The following PLA2G12A variants were observed in gnomAD, a reference collection of about 807,000 sequenced individuals.
PLA2G12A encodes the protein phospholipase A2 group XIIA.
PLA2G12A carries 11 observed loss-of-function variants against 16.0 expected under a neutral mutation model. That is an observed-to-expected ratio of 0.69 (90% CI 0.43 to 1.13). PLA2G12A has a LOEUF of 1.13. Ranked by LOEUF, PLA2G12A falls within the 50% of genes most tolerant of loss-of-function variation. The pLI is 0.00. For synonymous variants in PLA2G12A, 77 were observed against 93.8 expected, an observed-to-expected ratio of 0.82 and a Z score of 1.03; for missense variants, 214 against 237.3, an observed-to-expected ratio of 0.90 and a Z score of 0.65.
At chr4:109,722,765 T>C (rs1722833905) in intron 1 of PLA2G12A, among the ~76,000 whole-genome samples, 1 of 152,254 alleles carries the variant, frequency 6.6e-6, no homozygotes, top group African/African-American at 2.4e-5. Context: ...CCTTCTAACA[T>C]ACTATATCAC....
At chr4:109,715,487 A>T (rs993642787) in intron 3 of PLA2G12A, among the ~76,000 whole-genome samples, 8 of 148,588 alleles carry the variant, frequency 5.4e-5, no homozygotes, top group African/African-American at 1.8e-4. Context: ...TATTTATTTT[A>T]TTTATTTTTT....
At chr4:109,727,357 C>A (rs182626210) in intron 1 of PLA2G12A, among the ~76,000 whole-genome samples, 1 of 151,830 alleles carries the variant, frequency 6.6e-6, no homozygotes, top group African/African-American at 2.4e-5. Flanking sequence ...CTGATCCGCC[C>A]GCCTCAGCCT....
intron 1 of PLA2G12A, among the ~76,000 whole-genome samples, chr4:109,723,141 T>G (rs1209221119): frequency 6.6e-6 from 1 of 151,658 alleles, no homozygotes; most frequent in Non-Finnish European, 1.5e-5. Context: ...TTGTGCTGGA[T>G]AAAGTACTTG....
rs1216390457 is a variant in PLA2G12A, at chr4:109,712,328, T to A, written c.*2049A>T. 4 of 152,114 alleles carry A rather than the reference T, an allele frequency of 2.6e-5. No individual in the cohort carries two copies. Among genetic ancestry groups the A allele is most frequent in the Non-Finnish European group, 4.4e-5 (3 of 68,016 alleles). The allele number at this position is 152,114 out of a possible 1,614,324, so 9.4% of individuals were successfully genotyped here. On this transcript the variant is annotated 3_prime_UTR_variant, in exon 4 of 4. Coordinates refer to ENST00000243501, the MANE Select transcript of PLA2G12A (RefSeq NM_030821.5). ...TAAAATTATCCCAAGTTTTTTTTTT[T>A]AATCTGAACATAAAAAACTGTTTCT...
chr4:109,726,479 T>C (rs967347936), intron 1 of PLA2G12A, among the ~76,000 whole-genome samples: 1 of 152,136 alleles, frequency 6.6e-6, no homozygotes, highest in African/African-American at 2.4e-5. Context: ...TCATTACCTC[T>C]GTTGCTACCA....
At position 109,711,052 on chromosome 4, in the gene PLA2G12A, CCTTT is replaced by C. The variant is rs1243086418; in HGVS notation, c.*3321_*3324del. 351 of 97,382 alleles carry C rather than the reference CCTTT, an allele frequency of 3.6e-3. 3 individuals carry two copies. The highest frequency in any genetic ancestry group is 5.9e-3 in the Non-Finnish European group (302 of 50,828). The allele number at this position is 97,382 out of a possible 1,614,324, so 6.0% of individuals were successfully genotyped here. On this transcript the variant is annotated 3_prime_UTR_variant, in exon 4 of 4. Transcript: ENST00000243501. Reference sequence around the variant, plus strand: ...AAGAGCTGCTGACAGTTAGTTCTTGCCTTTTTTTTTTTTTTTTTTTTTTTGCTCT... The same window carrying C: ...AAGAGCTGCTGACAGTTAGTTCTTGCTTTTTTTTTTTTTTTTTTTTGCTCT...
intron 1 of PLA2G12A, among the ~76,000 whole-genome samples, chr4:109,720,968 G>A (rs976825237): frequency 5.3e-5 from 8 of 152,138 alleles, no homozygotes; most frequent in African/African-American, 1.7e-4. Context: ...CTACTTGGGA[G>A]GCTGAGGCAG....
intron 1 of PLA2G12A, among the ~76,000 whole-genome samples, chr4:109,727,222 T>C (rs2126169022): frequency 6.6e-6 from 1 of 152,178 alleles, no homozygotes; most frequent in South Asian, 2.1e-4. Context: ...GCTATTCTCC[T>C]ACCTCAGCCT....
In PLA2G12A at chr4:109,729,590, G is replaced by A. The variant is rs747978623; in HGVS notation, c.208+12C>T. 2 of 1,602,664 alleles carry A rather than the reference G, an allele frequency of 1.2e-6. No homozygotes were observed. Among genetic ancestry groups the A allele is most frequent in the South Asian group, 1.1e-5 (1 of 90,710 alleles). The stretch of plus-strand genomic sequence containing the variant: ...AAGCACGAGCCCTCGCTGGGCCCGG[G>A]TGCCCCCTCACCGTCACTGCATTTA... On this transcript the variant is annotated intron_variant, in intron 1 of 3. Transcript: ENST00000243501.
intron 1 of PLA2G12A, among the ~76,000 whole-genome samples, chr4:109,720,090 C>T (rs1730896115): frequency 6.6e-6 from 1 of 152,194 alleles, no homozygotes; most frequent in African/African-American, 2.4e-5. Context: ...ATTGTTAAGA[C>T]ATTCTTCTGC....
At chr4:109,726,326 T>C (rs1285580795) in intron 1 of PLA2G12A, among the ~76,000 whole-genome samples, 1 of 152,228 alleles carries the variant, frequency 6.6e-6, no homozygotes, top group Non-Finnish European at 1.5e-5. Flanking sequence ...CTTCCCCATA[T>C]CAGTTAATGG....
intron 1 of PLA2G12A, 100 bp from the exon 2 acceptor site, chr4:109,718,859 A>AC: frequency 1.4e-6 from 1 of 735,746 alleles, no homozygotes; most frequent in Non-Finnish European, 2.2e-6. Context: ...AGAAATATGT[A>AC]ATATTTACTT....
intron 1 of PLA2G12A, among the ~76,000 whole-genome samples, chr4:109,719,771 CTTAAT>C (rs1191495458): frequency 6.6e-6 from 1 of 152,158 alleles, no homozygotes; most frequent in East Asian, 1.9e-4. Flanking sequence ...ATGTACAGAT[CTTAAT>C]TTAAAAATAC....
At chr4:109,716,402 G>T (rs1464705588) in intron 3 of PLA2G12A, among the ~76,000 whole-genome samples, 1 of 152,002 alleles carries the variant, frequency 6.6e-6, no homozygotes, top group Non-Finnish European at 1.5e-5. Context: ...ACCTCTTTAG[G>T]TTTTTGTTGG....
intron 1 of PLA2G12A, among the ~76,000 whole-genome samples, chr4:109,720,034 C>A (rs902886170): frequency 6.6e-6 from 1 of 152,224 alleles, no homozygotes; most frequent in Non-Finnish European, 1.5e-5. Context: ...TTTCCCACAA[C>A]CCTCCTACAT....
In PLA2G12A at chr4:109,710,052, CTCTTT is replaced by C. The variant is rs1484996043; in HGVS notation, c.*4320_*4324del. 6.6e-6 allele frequency: 1 copy of C among 152,030 alleles called. No individual in the cohort carries two copies. Among genetic ancestry groups the C allele is most frequent in the Non-Finnish European group, 1.5e-5 (1 of 67,990 alleles). 9.4% of individuals were successfully genotyped at this position (152,030 alleles called of 1,614,324 possible). On this transcript the variant is annotated 3_prime_UTR_variant, in exon 4 of 4. Coordinates refer to ENST00000243501, the MANE Select transcript of PLA2G12A (RefSeq NM_030821.5). ...TACCGGTTGCACTGATTCATTTTTG[CTCTTT>C]TATTTTTTAGGCAGATGGCTGGTTT...
At position 109,729,881 on chromosome 4, in the gene PLA2G12A, C is replaced by T. The variant is rs562493866; in HGVS notation, c.-72G>A. The T allele has an allele frequency of 7.4e-7, 1 of 1,347,076 alleles. No homozygotes were observed. The highest frequency in any genetic ancestry group is 9.8e-7 in the Non-Finnish European group (1 of 1,015,652). 83.4% of individuals were successfully genotyped at this position (1,347,076 alleles called of 1,614,324 possible). On this transcript the variant is annotated 5_prime_UTR_variant, in exon 1 of 4. Coordinates refer to ENST00000243501, the MANE Select transcript of PLA2G12A (RefSeq NM_030821.5). ...GCGTCCCCACAGAGTCCCCAGGACG[C>T]GCTAGGCAGCGGCGCGGGCCCCGGA...
chr4:109,715,668 T>C (rs1007703104), intron 3 of PLA2G12A, among the ~76,000 whole-genome samples: 1 of 152,032 alleles, frequency 6.6e-6, no homozygotes, highest in African/African-American at 2.4e-5. Context: ...AGAGATGGGG[T>C]TTCACCATGT....
chr4:109,720,076 A>G (rs1730895835), intron 1 of PLA2G12A, among the ~76,000 whole-genome samples: 1 of 152,204 alleles, frequency 6.6e-6, no homozygotes, highest in Non-Finnish European at 1.5e-5. Context: ...GTGAAATGAC[A>G]TCAATTGTTA....
Sources: allele counts gnomAD v4.1 joint callset (sites outside exome capture counted in the v4.1 genomes callset), GRCh38; gene constraint gnomAD v4.1.1; transcripts MANE v1.5; gene names NCBI Gene and HGNC (gene_info 2026-07-23, HGNC 2026-07-21).